The following ZNF248 variants were observed in gnomAD, a reference collection of about 807,000 sequenced individuals.
The protein encoded by ZNF248 is zinc finger protein 248, also known as KRAB protein domain.
Under a neutral mutation model 44.3 loss-of-function variants are expected in ZNF248, and 20 were observed. That is an observed-to-expected ratio of 0.45 (90% CI 0.32 to 0.66). The LOEUF is 0.66. Among genes scored for constraint, ZNF248 ranks in the 30% least tolerant of loss-of-function variants. The pLI is 0.04. For synonymous variants in ZNF248, 224 were observed against 229.0 expected (o/e 0.98, Z 0.20); for missense variants, 654 against 677.0 (o/e 0.97, Z 0.38).
intron 6 of ZNF248, among the ~76,000 whole-genome samples, chr10:37,798,500 A>T (rs1431645513): frequency 1.3e-5 from 2 of 152,316 alleles, no homozygotes; most frequent in Middle Eastern, 3.4e-3. Context: ...AAAGATCTCC[A>T]GTATATACTG....
intron 6 of ZNF248, among the ~76,000 whole-genome samples, chr10:37,809,151 G>A (rs1245189653): frequency 6.6e-6 from 1 of 152,032 alleles, no homozygotes; most frequent in African/African-American, 2.4e-5. Flanking sequence ...CAATTTTGTT[G>A]TTGATCTTTT....
chr10:37,856,494 A>C lies in ZNF248; in HGVS notation c.-87T>G. The C allele has an allele frequency of 2.4e-6, 3 of 1,257,052 alleles. No homozygotes were observed. The highest frequency in any genetic ancestry group is 3.0e-6 in the Non-Finnish European group (3 of 998,266). 77.9% of individuals were successfully genotyped at this position (1,257,052 alleles called of 1,614,324 possible). A position where few individuals can be genotyped will look rare whatever the true frequency, so the allele number is the denominator to read the frequency against. ...AGACATGACACTTTTCACTGAGTGA[A>C]TGTAAATATTTCTTATTGATTTATT... On this transcript the variant is annotated 5_prime_UTR_variant, in exon 2 of 6. Coordinates refer to ENST00000395867, the MANE Select transcript of ZNF248 (RefSeq NM_021045.3).
chr10:37,775,785 C>T (rs2046539901), downstream of ZNF248, among the ~76,000 whole-genome samples: 1 of 152,196 alleles, frequency 6.6e-6, no homozygotes. Context: ...TACTGAGTTG[C>T]TAACCCTTAA....
At chr10:37,814,219 T>A (rs1314097413) in intron 6 of ZNF248, among the ~76,000 whole-genome samples, 1 of 152,158 alleles carries the variant, frequency 6.6e-6, no homozygotes, top group Non-Finnish European at 1.5e-5. Context: ...CCTAAAGTCA[T>A]AACACTATAA....
chr10:37,773,571 T>C (rs1222863239), downstream of ZNF248, among the ~76,000 whole-genome samples: 1 of 152,112 alleles, frequency 6.6e-6, no homozygotes, highest in Non-Finnish European at 1.5e-5. Context: ...GACTAGGTGG[T>C]TTAAACAACA....
downstream of ZNF248, among the ~76,000 whole-genome samples, chr10:37,828,584 T>C (rs905609992): frequency 6.6e-6 from 1 of 152,316 alleles, no homozygotes; most frequent in African/African-American, 2.4e-5. Flanking sequence ...GAAGACACAG[T>C]ACTCTGCAGA....
At chr10:37,777,454 G>A (rs1226225927) in intron 6 of ZNF248, among the ~76,000 whole-genome samples, 1 of 151,338 alleles carries the variant, frequency 6.6e-6, no homozygotes, top group Non-Finnish European at 1.5e-5. Context: ...TTGGCTTCCA[G>A]CCCAATGCGT....
intron 5 of ZNF248, among the ~76,000 whole-genome samples, chr10:37,837,106 G>GT (rs1238534258): frequency 9.5e-4 from 141 of 148,754 alleles, no homozygotes; most frequent in Middle Eastern, 3.5e-3. Context: ...AAAAGTGTTT[G>GT]TTTTTTTTTG....
At chr10:37,819,553 T>C in intron 6 of ZNF248, 1 of 946,782 alleles carries the variant, frequency 1.1e-6, no homozygotes, top group African/African-American at 1.6e-5. Context: ...CATTTAGCAT[T>C]GGATGATCTT....
In ZNF248 at chr10:37,828,858, A is replaced by T; in HGVS notation, c.*2757T>A. ...CACCACAGGGAGGTATGAATAATGT[A>T]ATTTAATATAATGTCTGCTTCACAC... is the stretch of plus-strand genomic sequence containing the variant. On this transcript the variant is annotated 3_prime_UTR_variant, in exon 6 of 6. Transcript: ENST00000395867. 2 of 985,462 alleles carry T rather than the reference A, an allele frequency of 2.0e-6. No individual in the cohort carries two copies. The highest frequency in any genetic ancestry group is 2.4e-6 in the Non-Finnish European group (2 of 829,940). The allele number at this position is 985,462 out of a possible 1,614,324, so 61.0% of individuals were successfully genotyped here.
chr10:37,789,867 TA>T (rs2048297539), intron 6 of ZNF248, among the ~76,000 whole-genome samples: 1 of 152,184 alleles, frequency 6.6e-6, no homozygotes, highest in Non-Finnish European at 1.5e-5. Flanking sequence ...TCCTCCAGCT[TA>T]GTTTACTAAG....
chr10:37,832,232 T>C lies in ZNF248; in HGVS notation c.1123A>G (p.Thr375Ala), dbSNP rs1564574052. The C allele has an allele frequency of 6.2e-7, 1 of 1,614,118 alleles. No homozygotes were observed. The change falls in exon 6 of 6, where the codon ACA (threonine) becomes GCA (alanine). Residue 375 changes from threonine to alanine, a missense_variant. By Grantham distance (58) the Thr-to-Ala change is moderately conservative. Coordinates refer to ENST00000395867, the MANE Select transcript of ZNF248 (RefSeq NM_021045.3). ...CCACATTCAAAGGTTTTTTCTCCTG[T>C]GTGAGCTCTCCGAAGCTGGGTAAGA... ...SHLTQLRRAH[T>A]GEKTFECGEC...
intron 3 of ZNF248, among the ~76,000 whole-genome samples, chr10:37,847,098 C>T (rs1038891289): frequency 6.6e-6 from 1 of 152,204 alleles, no homozygotes; most frequent in Non-Finnish European, 1.5e-5. Context: ...TGCAGTGGCA[C>T]AATCTCATCT....
chr10:37,825,911 G>T (rs555378186), downstream of ZNF248, among the ~76,000 whole-genome samples: 2 of 151,694 alleles, frequency 1.3e-5, no homozygotes, highest in South Asian at 2.1e-4. Context: ...AAAAAAAAAG[G>T]GGGGGAGAGA....
At chr10:37,770,622 C>T in the ZNF248 span, among the ~76,000 whole-genome samples, 1 of 152,104 alleles carries the variant, frequency 6.6e-6, no homozygotes, top group African/African-American at 2.4e-5. Flanking sequence ...AAAATTAATT[C>T]AAGATGGATT....
chr10:37,816,296 C>T (rs1042898251), intron 6 of ZNF248, among the ~76,000 whole-genome samples: 17 of 152,304 alleles, frequency 1.1e-4, no homozygotes, highest in African/African-American at 3.6e-4. Flanking sequence ...TGCACCTCCA[C>T]GATCAGAAGG....
chr10:37,833,440 C>CG (rs1564585447), intron 5 of ZNF248, among the ~76,000 whole-genome samples: 1 of 152,028 alleles, frequency 6.6e-6, no homozygotes, highest in African/African-American at 2.4e-5. Flanking sequence ...TAGAAAAACT[C>CG]GGAGAAAATG....
chr10:37,776,835 G>T (rs1017898332), intron 6 of ZNF248, among the ~76,000 whole-genome samples: 2 of 152,056 alleles, frequency 1.3e-5, no homozygotes, highest in Admixed American at 6.5e-5. Context: ...TAGGTAGGGT[G>T]GTCTACCCTG....
At chr10:37,777,903 T>C (rs2046785900) in intron 6 of ZNF248, among the ~76,000 whole-genome samples, 1 of 152,142 alleles carries the variant, frequency 6.6e-6, no homozygotes, top group African/African-American at 2.4e-5. Flanking sequence ...CCACGGTGTA[T>C]ATGTGCCACA....
Sources: gnomAD v4.1 joint callset for allele counts (sites outside exome capture counted in the v4.1 genomes callset) on GRCh38, gnomAD v4.1.1 for gene constraint, MANE v1.5 for transcripts, NCBI Gene and HGNC (gene_info 2026-07-23, HGNC 2026-07-21) for gene names.